Variants in LYST observed in about 807,000 individuals in gnomAD.
LYST encodes lysosomal trafficking regulator, also known as lysosomal-trafficking regulator.
In LYST, 192 loss-of-function variants were observed where a neutral mutation model predicts 413.6. That is an observed-to-expected ratio of 0.46 (90% CI 0.41 to 0.52). The LOEUF (loss-of-function observed/expected upper bound fraction) is 0.52. LYST is among the 20% of genes least tolerant of loss of function. LYST has a pLI of 0.00. For synonymous variants in LYST, 1,525 were observed against 1,567.3 expected (o/e 0.97, Z 0.64); for missense variants, 3,815 against 4,499.9 (o/e 0.85, Z 4.35).
intron 44 of LYST, among the ~76,000 whole-genome samples, chr1:235,706,718 C>T (rs531083544): frequency 6.6e-6 from 1 of 152,204 alleles, no homozygotes; most frequent in Admixed American, 6.5e-5. Flanking sequence ...CTATATTATT[C>T]TCCTTTTTTA....
At chr1:235,877,532 G>A (rs530251509) in intron 1 of LYST, among the ~76,000 whole-genome samples, 4 of 152,106 alleles carry the variant, frequency 2.6e-5, no homozygotes, top group South Asian at 2.1e-4. Flanking sequence ...TCTGCCTCCC[G>A]AGTAGCTGGG....
rs548112264 is a variant in LYST, at chr1:235,766,245, G to A, written c.5955C>T (p.Pro1985=). The A allele has an allele frequency of 6.2e-7, 1 of 1,612,590 alleles. No homozygotes were observed. Among genetic ancestry groups the A allele is most frequent in the African/African-American group, 1.3e-5 (1 of 74,818 alleles). Residue 1985 remains proline, a synonymous_variant, in exon 21 of 53, where the codon CCC becomes CCT. Coordinates refer to ENST00000389793, the MANE Select transcript of LYST (RefSeq NM_000081.4). ...TCACAAATGATCTACAAACCTCTCG[G>A]GGCATGGGTGTGAGTTGCCCCTCTT... The part of the protein sequence containing the change: ...EYKEGQLTPM[P]REVCRSFVKI...
chr1:235,716,891 T>G (rs1662891465), intron 40 of LYST, 113 bp from the exon 41 acceptor site: 1 of 673,758 alleles, frequency 1.5e-6, no homozygotes, highest in Non-Finnish European at 2.7e-6. Flanking sequence ...GCTCCACCCT[T>G]ATTTCTCTGC....
chr1:235,802,302 T>C (rs1299827000), intron 8 of LYST, among the ~76,000 whole-genome samples: 1 of 149,426 alleles, frequency 6.7e-6, no homozygotes, highest in Non-Finnish European at 1.5e-5. Context: ...AATCAACCCA[T>C]CTTTTCCATT....
intron 1 of LYST, among the ~76,000 whole-genome samples, chr1:235,866,568 G>A (rs1176410401): frequency 6.6e-6 from 1 of 152,232 alleles, no homozygotes; most frequent in Non-Finnish European, 1.5e-5. Flanking sequence ...CAATGGCCCA[G>A]AGGGGCCCAG....
In LYST at chr1:235,693,487, C is replaced by T; in HGVS notation, c.10565-1G>A. The T allele has an allele frequency of 1.2e-6, 2 of 1,614,020 alleles. No individual in the cohort carries two copies. Among genetic ancestry groups the T allele is most frequent in the Non-Finnish European group, 1.7e-6 (2 of 1,179,970 alleles). On this transcript the variant is annotated splice_acceptor_variant, in intron 46 of 52. Coordinates refer to ENST00000389793, the MANE Select transcript of LYST (RefSeq NM_000081.4). LOFTEE classifies it high-confidence loss of function. Reference sequence around the variant, plus strand: ...TCCGTACTGTTCATGCTTCTCACACCTCAAGGAGAAGGAGAAAGAAAAGTA... The same window carrying T: ...TCCGTACTGTTCATGCTTCTCACACTTCAAGGAGAAGGAGAAAGAAAAGTA...
At chr1:235,771,741 G>A (rs1668694454) in intron 19 of LYST, among the ~76,000 whole-genome samples, 1 of 151,948 alleles carries the variant, frequency 6.6e-6, no homozygotes, top group African/African-American at 2.4e-5. Flanking sequence ...TGTTGGACAT[G>A]CCTTTCAAAA....
chr1:235,840,670 T>C (rs1338056124), intron 1 of LYST, among the ~76,000 whole-genome samples: 3 of 152,174 alleles, frequency 2.0e-5, no homozygotes, highest in African/African-American at 7.2e-5. Flanking sequence ...ATGAATTATT[T>C]TGAACATGTG....
intron 31 of LYST, chr1:235,734,878 T>C: frequency 2.6e-6 from 1 of 383,600 alleles, no homozygotes; most frequent in Non-Finnish European, 4.7e-6. Context: ...TGTAATAATG[T>C]TATGTTACAT....
At chr1:235,751,494 T>TA (rs1188458365) in intron 27 of LYST, 132 bp from the exon 28 acceptor site, 21 of 723,758 alleles carry the variant, frequency 2.9e-5, no homozygotes, top group South Asian at 2.5e-4. Context: ...GGGATGATGG[T>TA]AGTAGACATT....
chr1:235,690,250 T>C lies in LYST; in HGVS notation c.10701+3100A>G, dbSNP rs147602194. On this transcript the variant is annotated intron_variant, in intron 47 of 52. Transcript: ENST00000389793. Reference sequence around the variant, plus strand: ...ATTTGTGTCAGTGTATTTTGACAGGTAGAATGTATTGTATATCTAACTCCC... The same window carrying C: ...ATTTGTGTCAGTGTATTTTGACAGGCAGAATGTATTGTATATCTAACTCCC... Among the ~76,000 whole-genome samples the C allele has an allele frequency of 2.9e-4, 44 of 152,340 alleles. No homozygotes were observed. The East Asian group carries it at 7.9e-3, about 27-fold the overall frequency.
At chr1:235,715,164 C>T (rs980119058) in intron 42 of LYST, 37 bp downstream of exon 42, 1 of 1,550,128 alleles carries the variant, frequency 6.5e-7, no homozygotes, top group Non-Finnish European at 8.9e-7. Flanking sequence ...TTTCTGATGA[C>T]CCAACATGAC....
rs149051112 is a variant in LYST, at chr1:235,734,535, C to A, written c.8483G>T (p.Cys2828Phe). The A allele has an allele frequency of 1.2e-6, 2 of 1,613,628 alleles. No individual in the cohort carries two copies. The highest frequency in any genetic ancestry group is 2.7e-5 in the African/African-American group (2 of 75,012). The change falls in exon 32 of 53, where the codon TGC becomes TTC. Residue 2828 changes from cysteine to phenylalanine, a missense_variant. Transcript: ENST00000389793. ...MNALKLCGHK[C>F]IPPSASTKAD... ...TTTTGTTGATGCACTGGGAGGGATG[C>A]ACTTGTGACCACATAACTTCAAAGC...
At chr1:235,769,256 A>T (rs978840188) in intron 20 of LYST, among the ~76,000 whole-genome samples, 14 of 152,020 alleles carry the variant, frequency 9.2e-5, no homozygotes, top group Non-Finnish European at 1.8e-4. Flanking sequence ...TTAAAGCAAA[A>T]AGAATACCAT....
intron 40 of LYST, among the ~76,000 whole-genome samples, chr1:235,719,184 A>G (rs1663112663): frequency 6.6e-6 from 1 of 151,994 alleles, no homozygotes; most frequent in Non-Finnish European, 1.5e-5. Context: ...ACGGCCGGCA[A>G]ATTTTGTATT....
intron 22 of LYST, among the ~76,000 whole-genome samples, chr1:235,761,731 G>T (rs1667600976): frequency 6.6e-6 from 1 of 150,828 alleles, no homozygotes; most frequent in South Asian, 2.1e-4. Flanking sequence ...GCTGGATAGG[G>T]AAAGCGAGAC....
chr1:235,868,950 C>T (rs985651645), upstream of LYST, among the ~76,000 whole-genome samples: 2 of 152,114 alleles, frequency 1.3e-5, no homozygotes, highest in African/African-American at 4.8e-5. Context: ...CCACCTCTAC[C>T]TCCCAAAGTG....
rs75205061 is a variant in LYST at position 235,686,575 on chromosome 1, AC to A, written c.10800+373del. ...CTTAGATTTTGCTGTCACTTAGTTT[AC>A]CCAGAGGTTATCGGAATGTTGGACA... On this transcript the variant is annotated intron_variant, in intron 48 of 52. Coordinates refer to ENST00000389793, the MANE Select transcript of LYST (RefSeq NM_000081.4). This position sits in a 1 kb window ranked among gnomAD's most constrained non-coding sequence, Gnocchi z 4.0. Among the ~76,000 whole-genome samples, 127 of 152,306 alleles carry A rather than the reference AC, an allele frequency of 8.3e-4. No homozygotes were observed. In the East Asian group the frequency reaches 0.022, roughly 26 times the overall value.
At chr1:235,679,251 T>C (rs186114459) in intron 48 of LYST, among the ~76,000 whole-genome samples, 25 of 152,230 alleles carry the variant, frequency 1.6e-4, no homozygotes, top group East Asian at 3.9e-4. Flanking sequence ...GGCTCTCAGA[T>C]TGTGACACTC....
Sources: allele counts gnomAD v4.1 joint callset (sites outside exome capture counted in the v4.1 genomes callset), GRCh38; gene constraint gnomAD v4.1.1; non-coding constraint Gnocchi (gnomAD v3.1); transcripts MANE v1.5; gene names NCBI Gene and HGNC (gene_info 2026-07-23, HGNC 2026-07-21).